ABCC1: variants seen among roughly 807,000 people sequenced by gnomAD.
ABCC1 encodes multidrug resistance-associated protein 1.
In ABCC1, 83 loss-of-function variants were observed where a neutral mutation model predicts 172.9. That is an observed-to-expected ratio of 0.48 (90% CI 0.40 to 0.58). ABCC1 has a LOEUF of 0.58. Among genes scored for constraint, ABCC1 ranks in the 20% least tolerant of loss-of-function variants. The pLI, the probability that ABCC1 is intolerant of heterozygous loss-of-function variation, is 0.00. For synonymous variants in ABCC1, 937 were observed against 825.2 expected, an observed-to-expected ratio of 1.14 and a Z score of -2.32; for missense variants, 1,817 against 2,002.7, an observed-to-expected ratio of 0.91 and a Z score of 1.77.
chr16:16,121,408 C>T (rs778858332), intron 23 of ABCC1, among the ~76,000 whole-genome samples: 6 of 152,118 alleles, frequency 3.9e-5, no homozygotes, highest in African/African-American at 7.2e-5. Context: ...AAGTGTTAGT[C>T]GTGTTTATAT....
At chr16:16,068,103 A>T in intron 12 of ABCC1, 53 bp from the exon 13 acceptor site, 1 of 1,608,448 alleles carries the variant, frequency 6.2e-7, no homozygotes, top group East Asian at 2.2e-5. Context: ...TGCTCCTAGG[A>T]TGATGACTCT....
intron 3 of ABCC1, among the ~76,000 whole-genome samples, chr16:16,013,441 T>G (rs535881432): frequency 6.6e-6 from 1 of 152,124 alleles, no homozygotes; most frequent in African/African-American, 2.4e-5. Flanking sequence ...TGGCTAATTT[T>G]TGTATTTTTA....
Position 16,079,479 on chromosome 16 carries a change from G to A in ABCC1, c.2115+1G>A. ...AGTGGAGGGGCACGTGGCTATCAAG[G>A]TAGGATGAGGACCAGCGGGGAGGGG... On this transcript the variant is annotated splice_donor_variant, in intron 16 of 30. Coordinates refer to ENST00000399410, the MANE Select transcript of ABCC1 (RefSeq NM_004996.4). LOFTEE classifies it high-confidence loss of function. The A allele has an allele frequency of 6.2e-7, 1 of 1,610,766 alleles. No homozygotes were observed. The highest frequency in any genetic ancestry group is 8.5e-7 in the Non-Finnish European group (1 of 1,177,488).
intron 30 of ABCC1, among the ~76,000 whole-genome samples, chr16:16,139,611 CAAAAAAA>C (rs386384360): frequency 7.0e-5 from 4 of 57,334 alleles, no homozygotes; most frequent in South Asian, 9.5e-4. Context: ...GACTCCATCT[CAAAAAAA>C]AAAAAAAAAA....
intron 24 of ABCC1, among the ~76,000 whole-genome samples, chr16:16,123,238 A>T (rs1456637621): frequency 6.6e-6 from 1 of 152,124 alleles, no homozygotes; most frequent in Non-Finnish European, 1.5e-5. Context: ...AAGGGCTGCA[A>T]TGGAGAAAAG....
intron 12 of ABCC1, among the ~76,000 whole-genome samples, chr16:16,060,515 G>A (rs565850808): frequency 2.6e-5 from 4 of 151,950 alleles, no homozygotes; most frequent in African/African-American, 7.3e-5. Context: ...GTGCGTTGAT[G>A]AACTCTCTCT....
At chr16:16,130,337 A>AT (rs59553978) in intron 26 of ABCC1, among the ~76,000 whole-genome samples, 6,190 of 151,702 alleles carry the variant, frequency 0.041, 379 homozygotes, top group African/African-American at 0.14. Context: ...ATTTATTTAA[A>AT]TTTTTTTTTA....
chr16:16,109,240 G>C (rs2052281551), intron 21 of ABCC1, among the ~76,000 whole-genome samples: 1 of 152,060 alleles, frequency 6.6e-6, no homozygotes, highest in African/African-American at 2.4e-5. Context: ...GCAGTGGTGT[G>C]ACCAACGCTC....
chr16:15,985,865 G>T lies in ABCC1; in HGVS notation c.49-21951G>T, dbSNP rs563588895. ...CGGCTGGTGTTCTTTCCGGAAGCTT[G>T]CAGGGAGAATCCATGGCCTGGCCCT... On this transcript the variant is annotated intron_variant, in intron 1 of 30. Transcript: ENST00000399410. Among the ~76,000 whole-genome samples, 5 of 152,270 alleles carry T rather than the reference G, an allele frequency of 3.3e-5. No individual in the cohort carries two copies. The East Asian group carries it at 9.7e-4, about 29-fold the overall frequency.
At chr16:16,090,169 G>T (rs904529158) in intron 18 of ABCC1, among the ~76,000 whole-genome samples, 2 of 152,150 alleles carry the variant, frequency 1.3e-5, no homozygotes, top group Non-Finnish European at 2.9e-5. Flanking sequence ...CCCTTCCCCA[G>T]CTTTTAGCTC....
At chr16:15,967,742 A>T (rs1405525507) in intron 1 of ABCC1, among the ~76,000 whole-genome samples, 1 of 142,926 alleles carries the variant, frequency 7.0e-6, no homozygotes, top group Non-Finnish European at 1.5e-5. Flanking sequence ...CCTGGACAAC[A>T]GCATGGCACT....
chr16:16,082,678 C>T (rs952215825), intron 16 of ABCC1, among the ~76,000 whole-genome samples: 1 of 152,228 alleles, frequency 6.6e-6, no homozygotes, highest in South Asian at 2.1e-4. Flanking sequence ...GGATCTTGCT[C>T]TGTGGTCCAG....
At chr16:16,027,532 G>C (rs928113480) in intron 5 of ABCC1, among the ~76,000 whole-genome samples, 1 of 152,168 alleles carries the variant, frequency 6.6e-6, no homozygotes, top group Non-Finnish European at 1.5e-5. Flanking sequence ...TGGTATATAG[G>C]TTGGGCACGG....
At chr16:16,080,781 ACTTGTCCG>A (rs1192359117) in intron 16 of ABCC1, among the ~76,000 whole-genome samples, 2 of 152,212 alleles carry the variant, frequency 1.3e-5, no homozygotes, top group Non-Finnish European at 2.9e-5. Context: ...TCCCAGGTGT[ACTTGTCCG>A]CACCTCTTTA....
intron 28 of ABCC1, among the ~76,000 whole-genome samples, chr16:16,135,883 C>A (rs1298567363): frequency 6.6e-6 from 1 of 152,150 alleles, no homozygotes; most frequent in Non-Finnish European, 1.5e-5. Context: ...ATCCACGGGA[C>A]TTTACTGTTA....
Position 16,111,465 on chromosome 16 carries a change from T to A in ABCC1, c.2962T>A (p.Ser988Thr), listed in dbSNP as rs751456460. The change falls in exon 22 of 31, where the codon TCC (serine) becomes ACC (threonine). Residue 988 changes from serine to threonine, a missense_variant. By Grantham distance (58) the Ser-to-Thr change is moderately conservative. Coordinates refer to ENST00000399410, the MANE Select transcript of ABCC1 (RefSeq NM_004996.4). ...CTTCCTTTTCATGTGTAACCATGTG[T>A]CCGCGCTGGCTTCCAACTATTGGCT... is the stretch of plus-strand genomic sequence containing the variant. ...SIFLFMCNHV[S>T]ALASNYWLSL... is the part of the protein sequence containing the mutation. The A allele has an allele frequency of 2.5e-6, 4 of 1,614,092 alleles. No individual in the cohort carries two copies. In the East Asian group the frequency reaches 8.9e-5, roughly 36 times the overall value.
chr16:16,114,084 T>G (rs533557314), intron 22 of ABCC1, among the ~76,000 whole-genome samples: 1 of 152,148 alleles, frequency 6.6e-6, no homozygotes, highest in Non-Finnish European at 1.5e-5. Flanking sequence ...GGACCCCTGG[T>G]CTAGAAGAAT....
At chr16:16,049,631 C>G (rs2049347853) in intron 10 of ABCC1, among the ~76,000 whole-genome samples, 2 of 152,046 alleles carry the variant, frequency 1.3e-5, no homozygotes, top group African/African-American at 4.8e-5. Flanking sequence ...ATTTTGAGTC[C>G]CAATAACTTT....
At chr16:16,062,223 GCAA>G (rs1459040191) in intron 12 of ABCC1, among the ~76,000 whole-genome samples, 1 of 152,170 alleles carries the variant, frequency 6.6e-6, no homozygotes, top group East Asian at 1.9e-4. Flanking sequence ...GGATTCGTTG[GCAA>G]AACCCACAGT....
Sources: gnomAD v4.1 joint callset for allele counts (sites outside exome capture counted in the v4.1 genomes callset) on GRCh38, gnomAD v4.1.1 for gene constraint, MANE v1.5 for transcripts, NCBI Gene and HGNC (gene_info 2026-07-23, HGNC 2026-07-21) for gene names.